SPDL1: variants seen among roughly 807,000 people sequenced by gnomAD.
The protein encoded by SPDL1 is protein Spindly.
Under a neutral mutation model 79.5 loss-of-function variants are expected in SPDL1, and 85 were observed. The observed-to-expected ratio is 1.07, with a 90% CI of 0.90 to 1.28. The LOEUF is 1.28. SPDL1 is among the 50% of genes most tolerant of loss of function. The pLI, the probability that SPDL1 is intolerant of heterozygous loss-of-function variation, is 0.00. For synonymous variants in SPDL1, 269 were observed against 240.3 expected, an observed-to-expected ratio of 1.12 and a Z score of -1.10; for missense variants, 703 against 697.8, an observed-to-expected ratio of 1.01 and a Z score of -0.08.
chr5:169,591,087 G>A lies in SPDL1; in HGVS notation c.199G>A (p.Glu67Lys). The part of the protein sequence containing the change: ...QEKYTLQREV[E>K]LKSRMLESLS... Reference sequence around the variant, plus strand: ...AAAATATACCCTTCAAAGAGAAGTTGAACTCAAGAGTCGAATGTTAGAAAG... The same window carrying A: ...AAAATATACCCTTCAAAGAGAAGTTAAACTCAAGAGTCGAATGTTAGAAAG... The change falls in exon 3 of 12, where the codon GAA becomes AAA. Residue 67 changes from glutamate to lysine, a missense_variant. Physicochemically the swap from Glu to Lys is moderately conservative, Grantham distance 56. Transcript: ENST00000265295. 2 of 1,613,840 alleles carry A rather than the reference G, an allele frequency of 1.2e-6. No homozygotes were observed. Among genetic ancestry groups the A allele is most frequent in the Non-Finnish European group, 1.7e-6 (2 of 1,179,910 alleles).
intron 1 of SPDL1, among the ~76,000 whole-genome samples, chr5:169,584,672 G>A (rs574056503): frequency 6.6e-6 from 1 of 152,322 alleles, no homozygotes; most frequent in African/African-American, 2.4e-5. Flanking sequence ...AAGCAGGACA[G>A]GAAAAATGGT....
chr5:169,603,786 G>A (rs557146950), intron 11 of SPDL1, among the ~76,000 whole-genome samples: 10 of 152,220 alleles, frequency 6.6e-5, no homozygotes, highest in East Asian at 5.8e-4. Context: ...CCCGGGAGGC[G>A]GAGGTTGCAG....
Position 169,594,458 on chromosome 5 carries a change from A to T in SPDL1, c.746A>T (p.Asp249Val). The change falls in exon 6 of 12, where the codon GAT (aspartate) becomes GTT (valine). Residue 249 changes from aspartate (D) to valine (V), a missense_variant. Transcript: ENST00000265295. ...GACCAGGCACTCCAGCAAGCCTTGGATCCCAATAGTAAAGGCAACTCTTTG... is the reference window on the plus strand; with the variant it reads ...GACCAGGCACTCCAGCAAGCCTTGGTTCCCAATAGTAAAGGCAACTCTTTG... ...QLDQALQQAL[D>V]PNSKGNSLFA... 1.2e-6 allele frequency: 2 copies of T among 1,614,130 alleles called. No individual in the cohort carries two copies. Among genetic ancestry groups the T allele is most frequent in the South Asian group, 1.1e-5 (1 of 91,086 alleles).
At chr5:169,598,614 A>C in intron 9 of SPDL1, 35 bp downstream of exon 9, 4 of 1,494,354 alleles carry the variant, frequency 2.7e-6, no homozygotes, top group African/African-American at 1.4e-5. Context: ...AAAGATGAAC[A>C]TGTCACTTGC....
chr5:169,596,838 C>T (rs994877926), intron 8 of SPDL1, 137 bp downstream of exon 8: 2 of 672,922 alleles, frequency 3.0e-6, no homozygotes, highest in South Asian at 5.0e-5. Context: ...GCTGTTTCTC[C>T]TTATACTTAA....
chr5:169,589,302 G>A (rs1366651428), intron 2 of SPDL1, among the ~76,000 whole-genome samples: 3 of 152,122 alleles, frequency 2.0e-5, no homozygotes, highest in African/African-American at 7.2e-5. Context: ...TGCTTCCATT[G>A]TTGCCATTCA....
At position 169,593,599 on chromosome 5, in the gene SPDL1, A is replaced by G. The variant is rs377159050; in HGVS notation, c.531+51A>G. The G allele has an allele frequency of 2.7e-6, 4 of 1,488,308 alleles. No homozygotes were observed. The African/African-American group carries it at 4.3e-5, about 16-fold the overall frequency. 92.2% of individuals were successfully genotyped at this position (1,488,308 alleles called of 1,614,324 possible). ...AGGGTTTTCTCTTTTTTTTTCTGGC[A>G]TATTTTTACATGTTTTGGTAATAAT... On this transcript the variant is annotated intron_variant, in intron 4 of 11. Transcript: ENST00000265295.
intron 7 of SPDL1, 30 bp downstream of exon 7, chr5:169,594,711 TAAAC>T (rs1755500751): frequency 1.3e-6 from 2 of 1,509,478 alleles, no homozygotes; most frequent in East Asian, 2.3e-5. Context: ...AAAGGTTTAT[TAAAC>T]AAATTTTGTG....
intron 2 of SPDL1, among the ~76,000 whole-genome samples, chr5:169,590,093 G>A (rs780200432): frequency 1.3e-5 from 2 of 152,182 alleles, no homozygotes; most frequent in Non-Finnish European, 2.9e-5. Context: ...CTGAATGCCT[G>A]CCACACGATT....
intron 2 of SPDL1, 117 bp from the exon 3 acceptor site, chr5:169,590,931 T>C (rs1249278776): frequency 3.3e-6 from 3 of 918,264 alleles, no homozygotes; most frequent in Non-Finnish European, 5.2e-6. Context: ...GTCTTCGTTA[T>C]TTGGAAAGCA....
intron 8 of SPDL1, among the ~76,000 whole-genome samples, chr5:169,597,772 CTTAA>C (rs1304329114): frequency 3.9e-5 from 6 of 152,076 alleles, no homozygotes; most frequent in East Asian, 1.9e-4. Flanking sequence ...GTCATAAAAT[CTTAA>C]TTAAGTTTAC....
intron 10 of SPDL1, among the ~76,000 whole-genome samples, chr5:169,600,938 T>C (rs1198973473): frequency 6.6e-6 from 1 of 152,198 alleles, no homozygotes; most frequent in African/African-American, 2.4e-5. Context: ...GGATTAGGAT[T>C]CGAACCTGGA....
chr5:169,601,724 C>A (rs866839352), intron 11 of SPDL1, 99 bp downstream of exon 11: 17 of 1,076,914 alleles, frequency 1.6e-5, no homozygotes, highest in African/African-American at 1.6e-4. Context: ...TACTTTCTTA[C>A]AATTGCATGC....
intron 11 of SPDL1, 108 bp downstream of exon 11, chr5:169,601,733 G>A (rs777815428): frequency 9.7e-7 from 1 of 1,028,980 alleles, no homozygotes. Context: ...ACAATTGCAT[G>A]CAGTATAATT....
At chr5:169,592,473 G>T (rs1470332257) in intron 3 of SPDL1, among the ~76,000 whole-genome samples, 2 of 151,946 alleles carry the variant, frequency 1.3e-5, no homozygotes, top group African/African-American at 2.4e-5. Flanking sequence ...CTTCAGCCTC[G>T]CAAAGTGCTG....
chr5:169,588,267 G>A, intron 1 of SPDL1, 127 bp from the exon 2 acceptor site: 2 of 603,192 alleles, frequency 3.3e-6, no homozygotes, highest in Non-Finnish European at 5.4e-6. Context: ...CTACTTATTA[G>A]TCAGGAAGAA....
intron 10 of SPDL1, among the ~76,000 whole-genome samples, chr5:169,600,671 A>G (rs891505425): frequency 6.6e-6 from 1 of 152,244 alleles, no homozygotes; most frequent in Non-Finnish European, 1.5e-5. Flanking sequence ...AAGGCATTGC[A>G]GTAGTCTTTG....
intron 2 of SPDL1, among the ~76,000 whole-genome samples, chr5:169,589,081 A>C (rs1755137180): frequency 6.6e-6 from 1 of 152,164 alleles, no homozygotes; most frequent in African/African-American, 2.4e-5. Context: ...AAAAATCTTT[A>C]TATACCAAAG....
At chr5:169,587,031 T>C (rs1429153104) in intron 1 of SPDL1, among the ~76,000 whole-genome samples, 1 of 152,208 alleles carries the variant, frequency 6.6e-6, no homozygotes, top group African/African-American at 2.4e-5. Flanking sequence ...GCTGGAACAT[T>C]CTTCTTCTAA....
Sources: gnomAD v4.1 joint callset for allele counts (sites outside exome capture counted in the v4.1 genomes callset) on GRCh38, gnomAD v4.1.1 for gene constraint, MANE v1.5 for transcripts, NCBI Gene and HGNC (gene_info 2026-07-23, HGNC 2026-07-21) for gene names.